The following ABCB6 variants were observed in gnomAD, a reference collection of about 807,000 sequenced individuals.
ABCB6 encodes ATP-binding cassette sub-family B member 6.
A neutral mutation model predicts 99.4 loss-of-function variants in ABCB6; 87 were observed. The ratio of observed to expected loss-of-function variants is 0.88; its 90% confidence interval spans 0.74 to 1.05. The LOEUF is 1.05. Ranked by LOEUF, ABCB6 falls within the 50% of genes least tolerant of loss-of-function variation. ABCB6 has a pLI of 0.00. For missense variants in ABCB6, 1,050 were observed against 1,097.9 expected (o/e 0.96, Z 0.62); for synonymous variants, 482 against 447.5 (o/e 1.08, Z -0.97).
chr2:219,216,285 T>G lies in ABCB6; in HGVS notation c.970+79A>C. 2 of 1,587,962 alleles carry G rather than the reference T, an allele frequency of 1.3e-6. No individual in the cohort carries two copies. The highest frequency in any genetic ancestry group is 1.7e-6 in the Non-Finnish European group (2 of 1,160,326). On this transcript the variant is annotated intron_variant, in intron 4 of 18. Coordinates refer to ENST00000265316, the MANE Select transcript of ABCB6 (RefSeq NM_005689.4). The surrounding 1 kb of genome is among the most constrained non-coding windows in gnomAD (Gnocchi z 4.2). ...AGAGTACATGGGGGCTGGGGAGGAATGCTGGGAGAGGCGGATGCTGAGGGA... is the reference window on the plus strand; with the variant it reads ...AGAGTACATGGGGGCTGGGGAGGAAGGCTGGGAGAGGCGGATGCTGAGGGA...
intron 12 of ABCB6, 50 bp downstream of exon 12, chr2:219,213,191 G>A (rs769955438): frequency 3.7e-6 from 6 of 1,607,852 alleles, no homozygotes; most frequent in Non-Finnish European, 5.1e-6. Flanking sequence ...AAGCAGGAAG[G>A]CAGTGTGCAA....
At chr2:219,214,867 C>G in intron 6 of ABCB6, 94 bp downstream of exon 6, 3 of 1,482,938 alleles carry the variant, frequency 2.0e-6, no homozygotes, top group Non-Finnish European at 2.8e-6. Flanking sequence ...AATCCACAGC[C>G]TCCCATAGGT....
chr2:219,215,327 G>A (rs1315837035), intron 5 of ABCB6: 6 of 454,560 alleles, frequency 1.3e-5, no homozygotes, highest in Non-Finnish European at 2.0e-5. Flanking sequence ...ATAATGTTCT[G>A]TTAATAAGCA....
Position 219,210,826 on chromosome 2 carries a change from G to T in ABCB6, c.2144-3C>A, listed in dbSNP as rs1950568222. 1 of 1,613,884 alleles carries T rather than the reference G, an allele frequency of 6.2e-7. No homozygotes were observed. The highest frequency in any genetic ancestry group is 8.5e-7 in the Non-Finnish European group (1 of 1,179,950). On this transcript the variant is annotated splice_region_variant and splice_polypyrimidine_tract_variant and intron_variant, in intron 15 of 18. Transcript: ENST00000265316. ...CTCGCCCACCTGTGTCCTGTACCCT[G>T]TGGATATTACCCACCACACGTTTCT...
In ABCB6 at chr2:219,213,434, C is replaced by T. The variant is rs774734219; in HGVS notation, c.1719+5G>A. ...CCCAAACCCTACTCCTCTCCCTTCG[C>T]TCACTTCTGTCTCCTCTTTCAGCAA... On this transcript the variant is annotated splice_donor_5th_base_variant and intron_variant, in intron 11 of 18. Coordinates refer to ENST00000265316, the MANE Select transcript of ABCB6 (RefSeq NM_005689.4). 11 of 1,614,238 alleles carry T rather than the reference C, an allele frequency of 6.8e-6. No individual in the cohort carries two copies. The highest frequency in any genetic ancestry group is 9.3e-6 in the Non-Finnish European group (11 of 1,180,040).
In ABCB6 at chr2:219,212,425, A is replaced by G; in HGVS notation, c.1930T>C (p.Ser644Pro). 5 of 1,614,184 alleles carry G rather than the reference A, an allele frequency of 3.1e-6. No individual in the cohort carries two copies. The highest frequency in any genetic ancestry group is 3.4e-6 in the Non-Finnish European group (4 of 1,180,038). The part of the protein sequence containing the change: ...RLLFRFYDIS[S>P]GCIRIDGQDI... ...TGCCCATCTATTCGGATGCAGCCAGAGCTGATGTCGTAGAAGCGAAACAGC... is the reference window on the plus strand; with the variant it reads ...TGCCCATCTATTCGGATGCAGCCAGGGCTGATGTCGTAGAAGCGAAACAGC... The change falls in exon 14 of 19, where the codon TCT becomes CCT. Residue 644 changes from serine to proline, a missense_variant. Physicochemically the swap from Ser to Pro is moderately conservative, Grantham distance 74. Coordinates refer to ENST00000265316, the MANE Select transcript of ABCB6 (RefSeq NM_005689.4).
chr2:219,212,869 C>G, intron 13 of ABCB6, 139 bp downstream of exon 13: 1 of 987,792 alleles, frequency 1.0e-6, no homozygotes, highest in Non-Finnish European at 1.6e-6. Context: ...TCACCAGTGT[C>G]CATGGAGGCT....
At chr2:219,211,187 C>T (rs941634964) in intron 14 of ABCB6, 79 bp from the exon 15 acceptor site, 15 of 1,516,130 alleles carry the variant, frequency 9.9e-6, no homozygotes, top group South Asian at 1.2e-5. Context: ...GCCGGAAGCA[C>T]GTGGGATAAG....
Position 219,215,072 on chromosome 2 carries a change from A to C in ABCB6, c.1165T>G (p.Phe389Val). 6.2e-7 allele frequency: 1 copy of C among 1,614,134 alleles called. No individual in the cohort carries two copies. The highest frequency in any genetic ancestry group is 8.5e-7 in the Non-Finnish European group (1 of 1,180,010). ...SVTGLLSYLV[F>V]NVIPTLADII... ...TCGGCCAGCGTGGGGATGACATTGA[A>C]CACCAGGTAGCTAGGAGGGCAGGTC... The change falls in exon 6 of 19, where the codon TTC becomes GTC. Residue 389 changes from phenylalanine (F) to valine (V), a missense_variant. Transcript: ENST00000265316.
At chr2:219,210,112 CCA>C (rs1950556671) in intron 18 of ABCB6, 66 bp from the exon 19 acceptor site, 1 of 1,599,094 alleles carries the variant, frequency 6.3e-7, no homozygotes, top group Non-Finnish European at 8.6e-7. Context: ...TGCCACCAGC[CCA>C]CAGAGAGGAC....
Position 219,216,226 on chromosome 2 carries a change from G to T in ABCB6, c.971-46C>A. 6.4e-7 allele frequency: 1 copy of T among 1,566,536 alleles called. No individual in the cohort carries two copies. The highest frequency in any genetic ancestry group is 8.7e-7 in the Non-Finnish European group (1 of 1,151,702). ...CCTCAGTAGGGCCTGGGAGCTGAGG[G>T]ACGTCAGCCCAGCACCAGGATGTGA... On this transcript the variant is annotated intron_variant, in intron 4 of 18. Transcript: ENST00000265316. The surrounding 1 kb of genome is among the most constrained non-coding windows in gnomAD (Gnocchi z 4.2).
At chr2:219,215,720 G>A (rs1163408368) in intron 5 of ABCB6, 1 of 298,546 alleles carries the variant, frequency 3.3e-6, no homozygotes, top group Non-Finnish European at 6.2e-6. Context: ...CAGCCTGGGT[G>A]ACAGAGCGTG....
At position 219,211,764 on chromosome 2, in the gene ABCB6, A is replaced by ATT. The variant is rs56903380; in HGVS notation, c.1968+621_1968+622dup. Reference sequence around the variant, plus strand: ...ATGTGTGTGCCACCATGGCCAGCTAATTTTTTTTTTTTTTTTTGAGACAGA... The same window carrying ATT: ...ATGTGTGTGCCACCATGGCCAGCTAATTTTTTTTTTTTTTTTTTTGAGACAGA... On this transcript the variant is annotated intron_variant, in intron 14 of 18. Coordinates refer to ENST00000265316, the MANE Select transcript of ABCB6 (RefSeq NM_005689.4). Among the ~76,000 whole-genome samples the ATT allele has an allele frequency of 3.5e-3, 464 of 132,938 alleles. 9 individuals are homozygous for ATT. Among genetic ancestry groups the ATT allele is most frequent in the South Asian group, 0.017 (68 of 4,064 alleles). The allele number at this position is 132,938 out of a possible 152,430, so 87.2% of individuals were successfully genotyped here.
At position 219,218,272 on chromosome 2, in the gene ABCB6, C is replaced by A; in HGVS notation, c.402G>T (p.Gln134His). The A allele has an allele frequency of 6.2e-7, 1 of 1,613,290 alleles. No homozygotes were observed. The highest frequency in any genetic ancestry group is 8.5e-7 in the Non-Finnish European group (1 of 1,180,042). The part of the protein sequence containing the change: ...LLVVERSQAR[Q>H]RLAMGIWIKF... ...TGATCCAGATGCCCATTGCCAGACG[C>A]TGCCGTGCCTGGCTCCGCTCCACGA... The change falls in exon 1 of 19, where the codon CAG becomes CAT. Residue 134 changes from glutamine (Q) to histidine (H), a missense_variant. Coordinates refer to ENST00000265316, the MANE Select transcript of ABCB6 (RefSeq NM_005689.4).
chr2:219,213,055 G>A lies in ABCB6; in HGVS notation c.1816C>T (p.Leu606=), dbSNP rs1392860173. The A allele has an allele frequency of 1.9e-6, 3 of 1,613,744 alleles. No homozygotes were observed. The highest frequency in any genetic ancestry group is 2.5e-6 in the Non-Finnish European group (3 of 1,179,866). ...ATCACAGTGAAAGACACGTCCTGCAGAGTCTCCCGCCTGCAAGGAAAGGTG... is the reference window on the plus strand; with the variant it reads ...ATCACAGTGAAAGACACGTCCTGCAAAGTCTCCCGCCTGCAAGGAAAGGTG... ...HFSYADGRET[L]QDVSFTVMPG... Residue 606 remains leucine, a synonymous_variant, in exon 13 of 19, where the codon CTG becomes TTG. Coordinates refer to ENST00000265316, the MANE Select transcript of ABCB6 (RefSeq NM_005689.4).
chr2:219,215,911 C>CG (rs34125053), intron 5 of ABCB6, 86 bp downstream of exon 5: 3 of 1,366,452 alleles, frequency 2.2e-6, no homozygotes, highest in Middle Eastern at 2.7e-4. Context: ...GCTTCTCAGG[C>CG]GGGGTCTGTT....
At chr2:219,217,944 C>T in intron 1 of ABCB6, 137 bp from the exon 2 acceptor site, 1 of 1,324,412 alleles carries the variant, frequency 7.6e-7, no homozygotes, top group Non-Finnish European at 1.0e-6. Flanking sequence ...AAAGCAAAAC[C>T]ACAGTGACTC....
intron 18 of ABCB6, 89 bp from the exon 19 acceptor site, chr2:219,210,135 G>A (rs1389803980): frequency 1.1e-5 from 17 of 1,589,874 alleles, no homozygotes; most frequent in Non-Finnish European, 1.1e-5. Context: ...GGGATGGGAA[G>A]GGAGGTCCCC....
Position 219,212,375 on chromosome 2 carries a change from G to C in ABCB6, c.1968+12C>G. On this transcript the variant is annotated intron_variant, in intron 14 of 18. Transcript: ENST00000265316. ...GACCCCTAAACCACCGTCTTCTCCA[G>C]AGCAACCCTACCTGTGAAATGTCCT... 6.2e-7 allele frequency: 1 copy of C among 1,612,762 alleles called. No individual in the cohort carries two copies. Among genetic ancestry groups the C allele is most frequent in the Non-Finnish European group, 8.5e-7 (1 of 1,178,784 alleles).
Sources: allele counts gnomAD v4.1 joint callset (sites outside exome capture counted in the v4.1 genomes callset), GRCh38; gene constraint gnomAD v4.1.1; non-coding constraint Gnocchi (gnomAD v3.1); transcripts MANE v1.5; gene names NCBI Gene and HGNC (gene_info 2026-07-23, HGNC 2026-07-21).